PLEKHM1: variants seen among roughly 807,000 people sequenced by gnomAD.
PLEKHM1 encodes pleckstrin homology domain-containing family M member 1.
PLEKHM1 carries 28 observed loss-of-function variants against 94.3 expected under a neutral mutation model. The ratio of observed to expected loss-of-function variants is 0.30; its 90% confidence interval spans 0.22 to 0.41. The LOEUF (loss-of-function observed/expected upper bound fraction) is 0.41. Among genes scored for constraint, PLEKHM1 ranks in the 10% least tolerant of loss-of-function variants. The pLI is 1.00. For synonymous variants in PLEKHM1, 424 were observed against 581.2 expected (o/e 0.73, Z 3.89); for missense variants, 907 against 1,358.6 (o/e 0.67, Z 5.22).
chr17:45,437,867 A>T lies in PLEKHM1; in HGVS notation c.3162T>A (p.Ile1054=), dbSNP rs532695749. The change falls in exon 12 of 12, where the codon ATT becomes ATA. Residue 1054 remains isoleucine (I), a synonymous_variant. Coordinates refer to ENST00000430334, the MANE Select transcript of PLEKHM1 (RefSeq NM_014798.3). This position sits in a 1 kb window ranked among gnomAD's most constrained non-coding sequence, Gnocchi z 4.0. Reference sequence around the variant, plus strand: ...GGTCAGCAGATGGGCATCAGGCGAAAATGTTCTGTTCCTGGTACTTGCGCC... The same window carrying T: ...GGTCAGCAGATGGGCATCAGGCGAATATGTTCTGTTCCTGGTACTTGCGCC... The part of the protein sequence containing the change: ...ARRRKYQEQN[I]FA The T allele has an allele frequency of 8.7e-5, 140 of 1,613,732 alleles. 3 individuals are homozygous for T. In the South Asian group the frequency reaches 1.5e-3, roughly 18 times the overall value.
In PLEKHM1 at chr17:45,444,636, C is replaced by T. The variant is rs2050546835; in HGVS notation, c.2837+834G>A. ...TCCCCACTTCCCTCCTCACTGTAGC[C>T]AAAGTTCTCCCTGGGCTTTCCACCA... On this transcript the variant is annotated intron_variant, in intron 9 of 11. Coordinates refer to ENST00000430334, the MANE Select transcript of PLEKHM1 (RefSeq NM_014798.3). The surrounding 1 kb of genome is among the most constrained non-coding windows in gnomAD (Gnocchi z 5.0). Among the ~76,000 whole-genome samples the T allele has an allele frequency of 6.6e-6, 1 of 152,198 alleles. No individual in the cohort carries two copies. Among genetic ancestry groups the T allele is most frequent in the Non-Finnish European group, 1.5e-5 (1 of 68,040 alleles).
In PLEKHM1 at chr17:45,436,493, A is replaced by C. The variant is rs1183020783; in HGVS notation, c.*1365T>G. 1 of 453,608 alleles carries C rather than the reference A, an allele frequency of 2.2e-6. No individual in the cohort carries two copies. Among genetic ancestry groups the C allele is most frequent in the South Asian group, 1.6e-5 (1 of 64,426 alleles). The allele number at this position is 453,608 out of a possible 1,614,324, so 28.1% of individuals were successfully genotyped here. Reference sequence around the variant, plus strand: ...GGGTGGGCTCATCTCTGACAGTGACATGCGGCTCTCCACCTGAGGCCTGAC... The same window carrying C: ...GGGTGGGCTCATCTCTGACAGTGACCTGCGGCTCTCCACCTGAGGCCTGAC... On this transcript the variant is annotated 3_prime_UTR_variant, in exon 12 of 12. Transcript: ENST00000430334.
intron 5 of PLEKHM1, among the ~76,000 whole-genome samples, chr17:45,462,709 A>G (rs2051188738): frequency 6.6e-6 from 1 of 152,232 alleles, no homozygotes; most frequent in Non-Finnish European, 1.5e-5. Flanking sequence ...AATCATGACC[A>G]TCACAATGTC....
In PLEKHM1 at chr17:45,453,515, G is replaced by A. The variant is rs1403583043; in HGVS notation, c.2337C>T (p.Tyr779=). The part of the protein sequence containing the change: ...RDLVRKVLAS[Y]LETAEEAVTL... ...TCACCGCCTCCTCGGCTGTCTCCAA[G>A]TAGGATGCCAGGACTTTGCGGACCA... Residue 779 remains tyrosine, a synonymous_variant, in exon 7 of 12, where the codon TAC becomes TAT. Transcript: ENST00000430334. The surrounding 1 kb of genome is among the most constrained non-coding windows in gnomAD (Gnocchi z 4.1). 9.9e-6 allele frequency: 16 copies of A among 1,609,728 alleles called. No individual in the cohort carries two copies. The highest frequency in any genetic ancestry group is 1.3e-5 in the Non-Finnish European group (15 of 1,177,834).
intron 5 of PLEKHM1, 120 bp downstream of exon 5, chr17:45,468,089 A>G (rs2051375520): frequency 9.0e-7 from 1 of 1,109,172 alleles, no homozygotes; most frequent in Non-Finnish European, 1.3e-6. Context: ...CACTATCACT[A>G]TGCAGGGAGA....
chr17:45,478,571 A>G (rs1391274128), intron 2 of PLEKHM1, among the ~76,000 whole-genome samples: 1 of 152,240 alleles, frequency 6.6e-6, no homozygotes, highest in African/African-American at 2.4e-5. Flanking sequence ...GCTTCTGTAG[A>G]GAATCAATAA....
chr17:45,457,565 A>G (rs2051003550), intron 6 of PLEKHM1, among the ~76,000 whole-genome samples: 1 of 151,798 alleles, frequency 6.6e-6, no homozygotes, highest in South Asian at 2.1e-4. Flanking sequence ...CACCTCAAAA[A>G]AAAAAAAAAA....
At chr17:45,462,045 C>T (rs7212764) in intron 5 of PLEKHM1, among the ~76,000 whole-genome samples, 5,435 of 152,164 alleles carry the variant, frequency 0.036, 338 homozygotes, top group African/African-American at 0.13. Flanking sequence ...ACCCTGACAT[C>T]GCTATTTCCA....
At chr17:45,440,565 G>A (rs961833491) in intron 9 of PLEKHM1, among the ~76,000 whole-genome samples, 5 of 152,260 alleles carry the variant, frequency 3.3e-5, no homozygotes, top group African/African-American at 1.2e-4. Context: ...AGGAGGATGG[G>A]TGCAGACACC....
rs752025735 is a variant in PLEKHM1, at chr17:45,436,271, T to C, written c.*1587A>G. 6.6e-6 allele frequency: 3 copies of C among 454,212 alleles called. No homozygotes were observed. The highest frequency in any genetic ancestry group is 1.6e-5 in the South Asian group (1 of 64,482). 28.1% of individuals were successfully genotyped at this position (454,212 alleles called of 1,614,324 possible). ...GGCTGGGCTTGTGGTGGAGCGTTAA[T>C]GTGGGCCATGGCGGTGCATAACCCA... is the stretch of plus-strand genomic sequence containing the variant. On this transcript the variant is annotated 3_prime_UTR_variant, in exon 12 of 12. Coordinates refer to ENST00000430334, the MANE Select transcript of PLEKHM1 (RefSeq NM_014798.3).
intron 4 of PLEKHM1, among the ~76,000 whole-genome samples, chr17:45,472,082 A>T (rs2051531398): frequency 1.3e-5 from 2 of 152,224 alleles, no homozygotes; most frequent in African/African-American, 2.4e-5. Flanking sequence ...TTATATGTGT[A>T]ATGATAAGCA....
intron 1 of PLEKHM1, among the ~76,000 whole-genome samples, chr17:45,489,988 G>C (rs1438044892): frequency 5.9e-5 from 9 of 152,172 alleles, no homozygotes; most frequent in South Asian, 2.1e-4. Flanking sequence ...CAGTACGGCA[G>C]GAGACGCAAA....
At chr17:45,438,308 C>T (rs1304603967) in intron 11 of PLEKHM1, among the ~76,000 whole-genome samples, 1 of 152,030 alleles carries the variant, frequency 6.6e-6, no homozygotes, top group African/African-American at 2.4e-5. Flanking sequence ...CCGAGGTGGG[C>T]GGGTCACAAG....
rs1261610793 is a variant in PLEKHM1 at position 45,486,240 on chromosome 17, A to AAAT, written c.-41-3718_-41-3716dup. The stretch of plus-strand genomic sequence containing the variant: ...TCAAAAAAAAAAAGATAAAATAAAA[A>AAAT]AATAATAATAATAATAATAATTTAT... On this transcript the variant is annotated intron_variant, in intron 1 of 11. Transcript: ENST00000430334. 6.3e-3 allele frequency among the ~76,000 whole-genome samples: 891 copies of AAAT among 142,274 alleles called. 9 individuals carry two copies. Among genetic ancestry groups the AAAT allele is most frequent in the Middle Eastern group, 0.016 (4 of 246 alleles). 93.3% of individuals were successfully genotyped at this position (142,274 alleles called of 152,430 possible). A position where few individuals can be genotyped will look rare whatever the true frequency, so the allele number is the denominator to read the frequency against.
chr17:45,473,396 C>T (rs1288807874), intron 4 of PLEKHM1, among the ~76,000 whole-genome samples: 4 of 151,816 alleles, frequency 2.6e-5, no homozygotes, highest in African/African-American at 9.7e-5. Flanking sequence ...TCAAGACCAG[C>T]CTGGGCAACA....
chr17:45,455,220 T>A (rs985183767), intron 6 of PLEKHM1, among the ~76,000 whole-genome samples: 1 of 152,186 alleles, frequency 6.6e-6, no homozygotes, highest in Non-Finnish European at 1.5e-5. Context: ...CCCATTCTAC[T>A]GACACTGTTT....
intron 3 of PLEKHM1, 132 bp from the exon 4 acceptor site, chr17:45,475,858 G>C (rs2051713812): frequency 2.0e-6 from 2 of 1,019,294 alleles, no homozygotes; most frequent in Admixed American, 4.0e-5. Flanking sequence ...TTGGGTAATA[G>C]TGTTTTAGGC....
chr17:45,475,778 T>C, intron 3 of PLEKHM1, 52 bp from the exon 4 acceptor site: 1 of 1,539,170 alleles, frequency 6.5e-7, no homozygotes, highest in Non-Finnish European at 8.8e-7. Flanking sequence ...ATCACAGAGA[T>C]GTGCTTTTAT....
At position 45,436,917 on chromosome 17, in the gene PLEKHM1, G is replaced by A. The variant is rs1301863536; in HGVS notation, c.*941C>T. 2.2e-6 allele frequency: 1 copy of A among 450,248 alleles called. No homozygotes were observed. Among genetic ancestry groups the A allele is most frequent in the Non-Finnish European group, 4.5e-6 (1 of 223,524 alleles). The allele number at this position is 450,248 out of a possible 1,614,324, so 27.9% of individuals were successfully genotyped here. Reference sequence around the variant, plus strand: ...TCTGTGCCCTGGCAGGGGTCAGTCAGGCAGAGAGTGTGACCCCGGGCACCC... The same window carrying A: ...TCTGTGCCCTGGCAGGGGTCAGTCAAGCAGAGAGTGTGACCCCGGGCACCC... On this transcript the variant is annotated 3_prime_UTR_variant, in exon 12 of 12. Coordinates refer to ENST00000430334, the MANE Select transcript of PLEKHM1 (RefSeq NM_014798.3).
Sources: allele counts gnomAD v4.1 joint callset (sites outside exome capture counted in the v4.1 genomes callset), GRCh38; gene constraint gnomAD v4.1.1; non-coding constraint Gnocchi (gnomAD v3.1); transcripts MANE v1.5; gene names NCBI Gene and HGNC (gene_info 2026-07-23, HGNC 2026-07-21).